Variants in NCKAP5 observed in about 807,000 individuals in gnomAD.
NCKAP5 encodes NCK associated protein 5.
Under a neutral mutation model 167.0 loss-of-function variants are expected in NCKAP5, and 92 were observed. That is an observed-to-expected ratio of 0.55 (90% confidence interval 0.47 to 0.66). NCKAP5 has a LOEUF of 0.66. Among genes scored for constraint, NCKAP5 ranks in the 30% least tolerant of loss-of-function variants. The pLI, the probability that NCKAP5 is intolerant of heterozygous loss-of-function variation, is 0.00. For synonymous variants in NCKAP5, 891 were observed against 877.4 expected (o/e 1.02, Z -0.27); for missense variants, 2,378 against 2,315.0 (o/e 1.03, Z -0.56).
chr2:133,521,961 T>C (rs971788296), intron 2 of NCKAP5, among the ~76,000 whole-genome samples: 1 of 152,182 alleles, frequency 6.6e-6, no homozygotes, highest in Admixed American at 6.5e-5. Flanking sequence ...ACCTCTCTGC[T>C]TGTTATGTGA....
intron 6 of NCKAP5, among the ~76,000 whole-genome samples, chr2:133,044,276 C>T (rs1272444193): frequency 4.6e-5 from 7 of 151,984 alleles, no homozygotes; most frequent in Admixed American, 6.6e-5. Flanking sequence ...TTCTGTTCAT[C>T]GAAAGACGCA....
chr2:133,470,538 C>G (rs1679131316), intron 3 of NCKAP5, among the ~76,000 whole-genome samples: 1 of 152,208 alleles, frequency 6.6e-6, no homozygotes, highest in Non-Finnish European at 1.5e-5. Flanking sequence ...GTGGGCTCCA[C>G]CCAGTTCGAG....
chr2:132,826,257 G>T (rs1336316977), intron 11 of NCKAP5, among the ~76,000 whole-genome samples: 1 of 152,142 alleles, frequency 6.6e-6, no homozygotes, highest in African/African-American at 2.4e-5. Flanking sequence ...CCCTTTTAAA[G>T]ATTTCAGTGG....
intron 15 of NCKAP5, among the ~76,000 whole-genome samples, chr2:132,780,769 G>A (rs936490754): frequency 6.6e-6 from 1 of 152,146 alleles, no homozygotes; most frequent in Non-Finnish European, 1.5e-5. Context: ...GATACCAGTA[G>A]CATCATTTGC....
chr2:133,474,709 A>T (rs529999251), intron 3 of NCKAP5, among the ~76,000 whole-genome samples: 15 of 152,318 alleles, frequency 9.8e-5, no homozygotes, highest in African/African-American at 3.6e-4. Context: ...AATAATAAAT[A>T]AAAGGGCAGC....
At chr2:132,988,550 G>A (rs1415560535) in intron 7 of NCKAP5, among the ~76,000 whole-genome samples, 1 of 151,372 alleles carries the variant, frequency 6.6e-6, no homozygotes, top group African/African-American at 2.4e-5. Context: ...AACATGTGGC[G>A]ATCTTTCTGC....
chr2:132,906,965 T>A (rs920358125), intron 8 of NCKAP5, among the ~76,000 whole-genome samples: 4 of 152,200 alleles, frequency 2.6e-5, no homozygotes, highest in African/African-American at 9.7e-5. Context: ...TGATTTACTG[T>A]TTTGCAGAAA....
At chr2:133,369,112 G>T (rs1241775634) in intron 3 of NCKAP5, among the ~76,000 whole-genome samples, 1 of 152,154 alleles carries the variant, frequency 6.6e-6, no homozygotes, top group African/African-American at 2.4e-5. Context: ...AAAATAAGAG[G>T]ATGATTTAGA....
intron 8 of NCKAP5, among the ~76,000 whole-genome samples, chr2:132,906,597 G>A (rs965446422): frequency 4.6e-5 from 7 of 152,154 alleles, no homozygotes; most frequent in African/African-American, 1.7e-4. Flanking sequence ...ATCTGAAGTA[G>A]CTTGAGAGAG....
chr2:132,790,278 A>T, intron 12 of NCKAP5, 73 bp from the exon 13 acceptor site: 1 of 1,348,290 alleles, frequency 7.4e-7, no homozygotes, highest in South Asian at 1.4e-5. Context: ...CCTTATGGTG[A>T]GGTAGATGGG....
the NCKAP5 span, among the ~76,000 whole-genome samples, chr2:133,596,989 T>C: frequency 6.6e-6 from 1 of 152,232 alleles, no homozygotes; most frequent in African/African-American, 2.4e-5. Flanking sequence ...AGAAGTCTAC[T>C]GACAAATTCC....
At chr2:133,573,111 C>T (rs1051368666), upstream of NCKAP5, among the ~76,000 whole-genome samples, 3 of 152,072 alleles carry the variant, frequency 2.0e-5, no homozygotes, top group Non-Finnish European at 2.9e-5. Flanking sequence ...ATTGAGGGCC[C>T]CAAACGCATA....
At chr2:132,721,010 T>A (rs1353074385) in intron 19 of NCKAP5, among the ~76,000 whole-genome samples, 1 of 108,738 alleles carries the variant, frequency 9.2e-6, no homozygotes, top group African/African-American at 4.4e-5. Flanking sequence ...TGAGACTCCA[T>A]CTCAAAAAAA....
At position 132,783,416 on chromosome 2, in the gene NCKAP5, T is replaced by C; in HGVS notation, c.3395A>G (p.His1132Arg). ...SSPAKSHNSP[H>R]GCQSAHEKGL... ...TTTCTCATGAGCACTTTGACAACCATGAGGGCTGTTATGGCTTTTGGCGGG... is the reference window on the plus strand; with the variant it reads ...TTTCTCATGAGCACTTTGACAACCACGAGGGCTGTTATGGCTTTTGGCGGG... Residue 1132 changes from histidine to arginine, a missense_variant, in exon 14 of 20, where the codon CAT becomes CGT. Physicochemically the swap from His to Arg is conservative, Grantham distance 29. Transcript: ENST00000409261. 5 of 1,591,784 alleles carry C rather than the reference T, an allele frequency of 3.1e-6. No homozygotes were observed. The highest frequency in any genetic ancestry group is 2.2e-5 in the East Asian group (1 of 44,746).
intron 6 of NCKAP5, among the ~76,000 whole-genome samples, chr2:133,076,920 G>GT (rs1199148607): frequency 6.6e-6 from 1 of 152,178 alleles, no homozygotes; most frequent in African/African-American, 2.4e-5. Flanking sequence ...GGGAAACGTG[G>GT]TTTTAAAAGC....
At chr2:132,987,793 C>T (rs2077330558) in intron 7 of NCKAP5, among the ~76,000 whole-genome samples, 1 of 152,220 alleles carries the variant, frequency 6.6e-6, no homozygotes, top group Non-Finnish European at 1.5e-5. Context: ...ATTTTTATGG[C>T]AGTCTACCCA....
At chr2:132,705,481 T>C (rs1318489451) in intron 19 of NCKAP5, among the ~76,000 whole-genome samples, 2 of 152,210 alleles carry the variant, frequency 1.3e-5, no homozygotes, top group East Asian at 1.9e-4. Flanking sequence ...TCAGTTCTTA[T>C]GTGACTTGAC....
chr2:133,157,975 T>C (rs1301678922), intron 5 of NCKAP5, among the ~76,000 whole-genome samples: 1 of 152,194 alleles, frequency 6.6e-6, no homozygotes, highest in African/African-American at 2.4e-5. Flanking sequence ...CTGAGAGTAG[T>C]AGTAATATGG....
chr2:133,593,070 TCA>T, the NCKAP5 span, among the ~76,000 whole-genome samples: 1 of 152,184 alleles, frequency 6.6e-6, no homozygotes, highest in African/African-American at 2.4e-5. Flanking sequence ...ATCCAATAGT[TCA>T]CAGTGTTTAT....
Sources: gnomAD v4.1 joint callset for allele counts (sites outside exome capture counted in the v4.1 genomes callset) on GRCh38, gnomAD v4.1.1 for gene constraint, MANE v1.5 for transcripts, NCBI Gene and HGNC (gene_info 2026-07-23, HGNC 2026-07-21) for gene names.